CCDC171: variants seen among roughly 807,000 people sequenced by gnomAD.
CCDC171 encodes coiled-coil domain-containing protein 171.
CCDC171 carries 177 observed loss-of-function variants against 168.2 expected under a neutral mutation model. That is an observed-to-expected ratio of 1.05 (90% CI 0.93 to 1.19). The LOEUF (loss-of-function observed/expected upper bound fraction) is 1.19. Ranked by LOEUF, CCDC171 falls within the 50% of genes most tolerant of loss-of-function variation. The pLI, the probability that CCDC171 is intolerant of heterozygous loss-of-function variation, is 0.00. For synonymous variants in CCDC171, 687 were observed against 540.8 expected (o/e 1.27, Z -3.75); for missense variants, 1,991 against 1,539.0 (o/e 1.29, Z -4.91).
intron 21 of CCDC171, among the ~76,000 whole-genome samples, chr9:15,791,946 C>T (rs908785101): frequency 3.9e-5 from 6 of 152,182 alleles, no homozygotes; most frequent in African/African-American, 9.7e-5. Flanking sequence ...CGCAGCTCCT[C>T]ACCAGCAATG....
chr9:15,817,808 G>T (rs572593545), intron 21 of CCDC171, among the ~76,000 whole-genome samples: 1 of 118,518 alleles, frequency 8.4e-6, no homozygotes, highest in East Asian at 2.1e-4. Flanking sequence ...AACCTCTGCA[G>T]ACTTAAATGT....
At chr9:15,658,651 G>GTCGGAGGCAGGAGGGTCACAA (rs2048107596) in intron 8 of CCDC171, among the ~76,000 whole-genome samples, 1 of 152,156 alleles carries the variant, frequency 6.6e-6, no homozygotes, top group African/African-American at 2.4e-5. Context: ...GAGGGTCACA[G>GTCGGAGGCAGGAGGGTCACAA]TCAGAGGCAG....
intron 6 of CCDC171, chr9:16,035,408 G>C (rs1191640213): frequency 1.3e-5 from 2 of 152,062 alleles, no homozygotes; most frequent in Non-Finnish European, 2.9e-5. Flanking sequence ...TGTGGGGTGT[G>C]CTTTCTCTTA....
At chr9:16,029,149 CA>C (rs1281019339) in intron 6 of CCDC171, among the ~76,000 whole-genome samples, 2 of 152,072 alleles carry the variant, frequency 1.3e-5, no homozygotes, top group Non-Finnish European at 2.9e-5. Flanking sequence ...TGTAAGGCAA[CA>C]AGTGGTAAAA....
At chr9:15,766,326 C>T (rs937139931) in intron 18 of CCDC171, among the ~76,000 whole-genome samples, 2 of 152,042 alleles carry the variant, frequency 1.3e-5, no homozygotes, top group Non-Finnish European at 2.9e-5. Flanking sequence ...ATAAGGTGAC[C>T]TCGAACTCCT....
chr9:16,103,708 A>T, the CCDC171 span, among the ~76,000 whole-genome samples: 1 of 152,176 alleles, frequency 6.6e-6, no homozygotes, highest in Non-Finnish European at 1.5e-5. Context: ...GGCCTGCAGA[A>T]CAAACAGATC....
At chr9:16,003,855 G>A (rs964369263) in intron 3 of CCDC171, among the ~76,000 whole-genome samples, 23 of 152,294 alleles carry the variant, frequency 1.5e-4, no homozygotes, top group African/African-American at 4.1e-4. Context: ...CCTCCAAAAT[G>A]CACTTTGCTA....
At chr9:15,854,817 T>G (rs965141758) in intron 23 of CCDC171, among the ~76,000 whole-genome samples, 3 of 151,794 alleles carry the variant, frequency 2.0e-5, no homozygotes, top group African/African-American at 7.2e-5. Flanking sequence ...CAAAATATTT[T>G]CTAATTTCTA....
chr9:15,993,356 A>G (rs1832264573), intron 3 of CCDC171, among the ~76,000 whole-genome samples: 1 of 152,124 alleles, frequency 6.6e-6, no homozygotes, highest in South Asian at 2.1e-4. Flanking sequence ...AGGATTCCCT[A>G]TTAATAAATG....
chr9:15,928,806 A>G (rs1390989224), intron 25 of CCDC171, among the ~76,000 whole-genome samples: 1 of 151,680 alleles, frequency 6.6e-6, no homozygotes, highest in African/African-American at 2.4e-5. Context: ...GATCCTTGGC[A>G]TATATTTCCA....
chr9:15,690,855 C>T (rs1337796258), intron 10 of CCDC171, among the ~76,000 whole-genome samples: 1 of 151,760 alleles, frequency 6.6e-6, no homozygotes, highest in Non-Finnish European at 1.5e-5. Flanking sequence ...AGGCAATGCA[C>T]AGAAAAAAAT....
chr9:16,079,165 G>A, the CCDC171 span, among the ~76,000 whole-genome samples: 1 of 152,314 alleles, frequency 6.6e-6, no homozygotes, highest in East Asian at 1.9e-4. Flanking sequence ...CAGATCCTCA[G>A]CTGGCTGCAT....
chr9:15,826,045 T>C (rs2059997389), intron 21 of CCDC171, among the ~76,000 whole-genome samples: 1 of 152,062 alleles, frequency 6.6e-6, no homozygotes, highest in African/African-American at 2.4e-5. Flanking sequence ...GGCTCTTATA[T>C]TTTAAAAATA....
At chr9:15,574,927 T>G (rs2040517069) in intron 3 of CCDC171, among the ~76,000 whole-genome samples, 1 of 152,184 alleles carries the variant, frequency 6.6e-6, no homozygotes, top group Admixed American at 6.5e-5. Flanking sequence ...AAGAATTGCT[T>G]ATAGACTCAT....
chr9:15,634,788 T>C (rs2046069866), intron 7 of CCDC171, among the ~76,000 whole-genome samples: 1 of 152,180 alleles, frequency 6.6e-6, no homozygotes, highest in African/African-American at 2.4e-5. Context: ...CCCTGCTCAT[T>C]AGCCATCACT....
At chr9:15,846,930 A>G in intron 22 of CCDC171, 83 bp downstream of exon 22, 1 of 1,251,696 alleles carries the variant, frequency 8.0e-7, no homozygotes, top group Non-Finnish European at 1.1e-6. Context: ...TTAGCCCTGG[A>G]TAATACAGTG....
At chr9:15,653,777 A>G (rs1017740322) in intron 7 of CCDC171, among the ~76,000 whole-genome samples, 1 of 151,918 alleles carries the variant, frequency 6.6e-6, no homozygotes, top group Non-Finnish European at 1.5e-5. Flanking sequence ...AATTAAAAAA[A>G]TTTACTTAGT....
At chr9:15,599,187 C>T (rs928119186) in intron 6 of CCDC171, among the ~76,000 whole-genome samples, 1 of 152,156 alleles carries the variant, frequency 6.6e-6, no homozygotes, top group South Asian at 2.1e-4. Context: ...TTGATCCTGT[C>T]ATTATAATAT....
At chr9:15,755,831 A>T (rs552419415) in intron 18 of CCDC171, among the ~76,000 whole-genome samples, 1 of 152,268 alleles carries the variant, frequency 6.6e-6, no homozygotes, top group South Asian at 2.1e-4. Context: ...GCTAATGGAT[A>T]TAGAGTTTCT....
Sources: gnomAD v4.1 joint callset for allele counts (sites outside exome capture counted in the v4.1 genomes callset) on GRCh38, gnomAD v4.1.1 for gene constraint, MANE v1.5 for transcripts, NCBI Gene and HGNC (gene_info 2026-07-23, HGNC 2026-07-21) for gene names.